The following TMEM98 variants were observed in gnomAD, a reference collection of about 807,000 sequenced individuals.
TMEM98 encodes the protein transmembrane protein 98.
Under a neutral mutation model 25.0 loss-of-function variants are expected in TMEM98, and 18 were observed. The observed-to-expected ratio is 0.72, with a 90% CI of 0.50 to 1.07. The LOEUF (loss-of-function observed/expected upper bound fraction) is 1.07, where lower values mean the gene tolerates loss of function less well. Among genes scored for constraint, TMEM98 ranks in the 50% least tolerant of loss-of-function variants. The probability of loss-of-function intolerance (pLI) is 0.00; values close to 1 mark genes in which losing one functional copy is unlikely to be tolerated. For synonymous variants in TMEM98, 103 were observed against 112.4 expected, an observed-to-expected ratio of 0.92 and a Z score of 0.53; for missense variants, 241 against 289.0, an observed-to-expected ratio of 0.83 and a Z score of 1.20.
At chr17:32,937,175 C>T (rs943985125) in intron 6 of TMEM98, among the ~76,000 whole-genome samples, 1 of 152,228 alleles carries the variant, frequency 6.6e-6, no homozygotes, top group African/African-American at 2.4e-5. Context: ...ACGTCAGCCA[C>T]CTGGCCCCTC....
At position 32,941,525 on chromosome 17, in the gene TMEM98, C is replaced by T. The variant is rs1430852807; in HGVS notation, c.*532C>T. 1 of 152,222 alleles carries T rather than the reference C, an allele frequency of 6.6e-6. No homozygotes were observed. The highest frequency in any genetic ancestry group is 2.4e-5 in the African/African-American group (1 of 41,408). 9.4% of individuals were successfully genotyped at this position (152,222 alleles called of 1,614,324 possible). A position where few individuals can be genotyped will look rare whatever the true frequency, so the allele number is the denominator to read the frequency against. The stretch of plus-strand genomic sequence containing the variant: ...CTGAGGCGTCTGGGTCTCTCCTCTC[C>T]CTTGCAGGTTTGGGTTTGAAGCTGA... On this transcript the variant is annotated 3_prime_UTR_variant, in exon 8 of 8. Coordinates refer to ENST00000579849, the MANE Select transcript of TMEM98 (RefSeq NM_015544.3).
intron 5 of TMEM98, 111 bp from the exon 6 acceptor site, chr17:32,936,221 T>TA (rs146808218): frequency 0.066 from 53,233 of 803,246 alleles, 4,198 homozygotes; most frequent in African/African-American, 0.33. Context: ...GCCATTAGGT[T>TA]GGGGGCCAGC....
chr17:32,939,584 C>T (rs774700555), intron 7 of TMEM98, 48 bp downstream of exon 7: 1 of 1,608,004 alleles, frequency 6.2e-7, no homozygotes, highest in South Asian at 1.1e-5. Context: ...CAGAGGTCCA[C>T]AACCGTTTTA....
chr17:32,934,364 G>T (rs29016), intron 5 of TMEM98, 40 bp downstream of exon 5: 1 of 1,610,672 alleles, frequency 6.2e-7, no homozygotes, highest in African/African-American at 1.3e-5. Context: ...AAGGGTAGTC[G>T]AAAAGCACCA....
intron 1 of TMEM98, among the ~76,000 whole-genome samples, chr17:32,928,447 G>A (rs1266186483): frequency 6.8e-5 from 10 of 148,066 alleles, no homozygotes; most frequent in Non-Finnish European, 1.2e-4. Context: ...GGGCGGGCTG[G>A]GGGTCCCTCC....
chr17:32,936,321 T>C lies in TMEM98; in HGVS notation c.298-11T>C, dbSNP rs777746783. On this transcript the variant is annotated splice_polypyrimidine_tract_variant and intron_variant, in intron 5 of 7. Transcript: ENST00000579849. The stretch of plus-strand genomic sequence containing the variant: ...GGTCAGCCCTCATCTCTCTCCTCCC[T>C]GCCGCATTAGATTTGTCACACTCTG... 9 of 1,611,962 alleles carry C rather than the reference T, an allele frequency of 5.6e-6. No homozygotes were observed. The highest frequency in any genetic ancestry group is 7.6e-6 in the Non-Finnish European group (9 of 1,178,430).
intron 5 of TMEM98, 36 bp downstream of exon 5, chr17:32,934,360 A>G: frequency 6.2e-7 from 1 of 1,613,008 alleles, no homozygotes; most frequent in Non-Finnish European, 8.5e-7. Flanking sequence ...GATAAAGGGT[A>G]GTCGAAAAGC....
intron 6 of TMEM98, among the ~76,000 whole-genome samples, chr17:32,938,048 C>G (rs1023392283): frequency 2.0e-5 from 3 of 152,144 alleles, no homozygotes; most frequent in African/African-American, 7.2e-5. Context: ...CTGTGTGAGC[C>G]TGGGTGAGTA....
intron 7 of TMEM98, 51 bp downstream of exon 7, chr17:32,939,587 C>T: frequency 6.2e-7 from 1 of 1,605,628 alleles, no homozygotes; most frequent in South Asian, 1.1e-5. Flanking sequence ...AGGTCCACAA[C>T]CGTTTTATCA....
intron 6 of TMEM98, among the ~76,000 whole-genome samples, chr17:32,937,082 A>G (rs1384783679): frequency 6.6e-6 from 1 of 152,238 alleles, no homozygotes; most frequent in Non-Finnish European, 1.5e-5. Flanking sequence ...CTTAGAGCCA[A>G]GGGCTGTACT....
intron 4 of TMEM98, among the ~76,000 whole-genome samples, chr17:32,933,678 C>T (rs986621197): frequency 1.1e-4 from 17 of 152,294 alleles, no homozygotes; most frequent in African/African-American, 3.8e-4. Flanking sequence ...TTTTGAGAAG[C>T]GGCTGCTACT....
At position 32,941,003 on chromosome 17, in the gene TMEM98, G is replaced by A; in HGVS notation, c.*10G>A. ...GCAGTCTGCAATTTAGTGCCTACAG[G>A]CCAGCAGCTAGCCATGAAGGCCCCT... On this transcript the variant is annotated 3_prime_UTR_variant, in exon 8 of 8. Coordinates refer to ENST00000579849, the MANE Select transcript of TMEM98 (RefSeq NM_015544.3). 1.9e-6 allele frequency: 3 copies of A among 1,588,766 alleles called. No homozygotes were observed. Among genetic ancestry groups the A allele is most frequent in the Non-Finnish European group, 2.6e-6 (3 of 1,166,190 alleles).
chr17:32,941,105 T>C lies in TMEM98; in HGVS notation c.*112T>C. 1.1e-6 allele frequency: 1 copy of C among 933,462 alleles called. No individual in the cohort carries two copies. The highest frequency in any genetic ancestry group is 1.6e-6 in the Non-Finnish European group (1 of 635,630). The allele number at this position is 933,462 out of a possible 1,614,324, so 57.8% of individuals were successfully genotyped here. Reference sequence around the variant, plus strand: ...TAGTTGTTCTCCACGGCTGGAGAGTTCAGCTGTGTGTGCATAGTAAAGCAG... The same window carrying C: ...TAGTTGTTCTCCACGGCTGGAGAGTCCAGCTGTGTGTGCATAGTAAAGCAG... On this transcript the variant is annotated 3_prime_UTR_variant, in exon 8 of 8. Coordinates refer to ENST00000579849, the MANE Select transcript of TMEM98 (RefSeq NM_015544.3).
rs184906745 is a variant in TMEM98 at position 32,933,048 on chromosome 17, C to T, written c.132-126C>T. 31 of 1,364,784 alleles carry T rather than the reference C, an allele frequency of 2.3e-5. No homozygotes were observed. In the Admixed American group the frequency reaches 7.0e-4, roughly 31 times the overall value. The allele number at this position is 1,364,784 out of a possible 1,614,324, so 84.5% of individuals were successfully genotyped here. ...ACTAGGCTTAGGTTTGGATCCGGGA[C>T]AAGTGGTCTCTGCCCTAGCTTACTG... On this transcript the variant is annotated intron_variant, in intron 3 of 7. Coordinates refer to ENST00000579849, the MANE Select transcript of TMEM98 (RefSeq NM_015544.3).
At chr17:32,934,953 T>C (rs1333505878) in intron 5 of TMEM98, among the ~76,000 whole-genome samples, 1 of 152,250 alleles carries the variant, frequency 6.6e-6, no homozygotes, top group Non-Finnish European at 1.5e-5. Context: ...TGCCTGTTAA[T>C]ATCCTACCTA....
intron 5 of TMEM98, among the ~76,000 whole-genome samples, chr17:32,936,065 T>G (rs1210668739): frequency 1.3e-5 from 2 of 152,152 alleles, no homozygotes; most frequent in African/African-American, 4.8e-5. Flanking sequence ...TGATTTTTCT[T>G]AAGACAGATT....
chr17:32,929,159 C>A (rs1416074263), intron 1 of TMEM98, among the ~76,000 whole-genome samples: 1 of 151,810 alleles, frequency 6.6e-6, no homozygotes, highest in African/African-American at 2.4e-5. Flanking sequence ...CACTCAGAAA[C>A]ATAGCTAACA....
At chr17:32,930,345 ATG>A (rs1187686496) in intron 1 of TMEM98, among the ~76,000 whole-genome samples, 1 of 152,094 alleles carries the variant, frequency 6.6e-6, no homozygotes, top group African/African-American at 2.4e-5. Flanking sequence ...GTTACATTTT[ATG>A]TGTGTTTGTG....
intron 7 of TMEM98, 47 bp downstream of exon 7, chr17:32,939,583 A>G (rs531423579): frequency 1.2e-6 from 2 of 1,609,422 alleles, no homozygotes; most frequent in African/African-American, 1.3e-5. Context: ...GCAGAGGTCC[A>G]CAACCGTTTT....
Sources: gnomAD v4.1 joint callset for allele counts (sites outside exome capture counted in the v4.1 genomes callset) on GRCh38, gnomAD v4.1.1 for gene constraint, MANE v1.5 for transcripts, NCBI Gene and HGNC (gene_info 2026-07-23, HGNC 2026-07-21) for gene names.